The following OR8B2 variants were observed in gnomAD, a reference collection of about 807,000 sequenced individuals.
OR8B2 encodes the protein olfactory receptor family 8 subfamily B member 2.
For synonymous variants in OR8B2, 98 were observed against 138.2 expected (o/e 0.71, Z 2.04); for missense variants, 304 against 379.6 (o/e 0.80, Z 1.65).
upstream of OR8B2, among the ~76,000 whole-genome samples, chr11:124,385,491 C>CGTGTGT (rs57427804): frequency 2.1e-3 from 310 of 148,096 alleles, 1 homozygote; most frequent in African/African-American, 4.0e-3. Context: ...ATTTAACATG[C>CGTGTGT]GTGTGTGTGT....
upstream of OR8B2, among the ~76,000 whole-genome samples, chr11:124,386,760 T>C (rs1422572887): frequency 2.0e-5 from 3 of 152,156 alleles, no homozygotes; most frequent in Non-Finnish European, 2.9e-5. Flanking sequence ...TATAGTCCTT[T>C]GGGTATATAC....
Position 124,383,072 on chromosome 11 carries a change from A to G in OR8B2, c.272T>C (p.Ile91Thr), listed in dbSNP as rs1243703067. ...AGTCATGCACCCAACATTGGAGATA[A>G]TATTCTTTTTTGACACAAAGTTCAT... ...MLMNFVSKKN[I>T]ISNVGCMTRL... Residue 91 changes from isoleucine (I) to threonine (T), a missense_variant, in exon 2 of 2, where the codon ATT becomes ACT. Transcript: ENST00000641451. 7.4e-6 allele frequency: 12 copies of G among 1,613,932 alleles called. No homozygotes were observed. The highest frequency in any genetic ancestry group is 8.5e-6 in the Non-Finnish European group (10 of 1,179,854).
chr11:124,384,823 C>T (rs574060276), upstream of OR8B2, among the ~76,000 whole-genome samples: 1 of 152,260 alleles, frequency 6.6e-6, no homozygotes, highest in South Asian at 2.1e-4. Context: ...ATTATACAAT[C>T]CACAGGGCAT....
upstream of OR8B2, among the ~76,000 whole-genome samples, chr11:124,386,251 AT>A (rs756263467): frequency 5.7e-4 from 83 of 146,078 alleles, no homozygotes; most frequent in Non-Finnish European, 5.4e-4. Flanking sequence ...GATTTGCTTC[AT>A]TTTTTTATTT....
the OR8B2 span, among the ~76,000 whole-genome samples, chr11:124,394,719 C>G: frequency 6.6e-6 from 1 of 152,192 alleles, no homozygotes; most frequent in African/African-American, 2.4e-5. Flanking sequence ...TATAGACTTT[C>G]AGTCAGCCAT....
chr11:124,397,074 G>T, the OR8B2 span: 3 of 1,613,906 alleles, frequency 1.9e-6, no homozygotes, highest in South Asian at 3.3e-5. Context: ...CCCAACATAG[G>T]AGATAATATT....
At chr11:124,389,485 AT>A (rs1860750468), upstream of OR8B2, among the ~76,000 whole-genome samples, 1 of 152,148 alleles carries the variant, frequency 6.6e-6, no homozygotes, top group Non-Finnish European at 1.5e-5. Context: ...ACAAAGTAGA[AT>A]CAAGTCATAT....
chr11:124,394,894 T>C, the OR8B2 span, among the ~76,000 whole-genome samples: 1 of 152,214 alleles, frequency 6.6e-6, no homozygotes, highest in East Asian at 1.9e-4. Flanking sequence ...CATTTATTGT[T>C]GGTGTTAAGC....
the OR8B2 span, among the ~76,000 whole-genome samples, chr11:124,394,167 G>T: frequency 6.6e-6 from 1 of 150,716 alleles, no homozygotes; most frequent in Non-Finnish European, 1.5e-5. Flanking sequence ...AGGAGTTAAT[G>T]GGTGCAGCAC....
the OR8B2 span, among the ~76,000 whole-genome samples, chr11:124,395,153 A>T: frequency 6.6e-6 from 1 of 152,200 alleles, no homozygotes; most frequent in East Asian, 1.9e-4. Flanking sequence ...AAAAAAGCTT[A>T]AACTATAGGC....
chr11:124,396,437 A>T, the OR8B2 span: 2 of 1,604,684 alleles, frequency 1.2e-6, no homozygotes, highest in Non-Finnish European at 1.7e-6. Flanking sequence ...TCTGAATTTT[A>T]ATCAGAGCTT....
the OR8B2 span, among the ~76,000 whole-genome samples, chr11:124,391,407 A>T: frequency 6.6e-6 from 1 of 152,098 alleles, no homozygotes; most frequent in East Asian, 1.9e-4. Flanking sequence ...AATCAAATAG[A>T]TGCAATAAAA....
chr11:124,383,375 G>T lies in OR8B2; in HGVS notation c.-17-15C>A. On this transcript the variant is annotated splice_polypyrimidine_tract_variant and intron_variant, in intron 1 of 1. Transcript: ENST00000641451. ...TCTTCAAAAATCTGGGAAGACAAAAGAAAATTCTATTAGGAACACAGATTT... is the reference window on the plus strand; with the variant it reads ...TCTTCAAAAATCTGGGAAGACAAAATAAAATTCTATTAGGAACACAGATTT... The T allele has an allele frequency of 1.3e-6, 2 of 1,533,478 alleles. No homozygotes were observed. Among genetic ancestry groups the T allele is most frequent in the Non-Finnish European group, 1.8e-6 (2 of 1,137,376 alleles). 95.0% of individuals were successfully genotyped at this position (1,533,478 alleles called of 1,614,324 possible).
In OR8B2 at chr11:124,382,702, G is replaced by A. The variant is rs775917710; in HGVS notation, c.642C>T (p.Ile214=). 16 of 1,613,864 alleles carry A rather than the reference G, an allele frequency of 9.9e-6. No homozygotes were observed. In the South Asian group the frequency reaches 1.4e-4, roughly 14 times the overall value. Residue 214 remains isoleucine, a synonymous_variant, in exon 2 of 2, where the codon ATC becomes ATT. Transcript: ENST00000641451. ...TGACAATGAAAACATAAGAAATGAGGATGGTACAACTGGGTACCGTGATAT... is the reference window on the plus strand; with the variant it reads ...TGACAATGAAAACATAAGAAATGAGAATGGTACAACTGGGTACCGTGATAT... ...GTNITVPSCT[I]LISYVFIVTS...
chr11:124,396,579 A>G, the OR8B2 span: 57 of 1,613,368 alleles, frequency 3.5e-5, no homozygotes, highest in African/African-American at 5.3e-5. Context: ...TTTAATATAC[A>G]TGAATGCCGC....
the OR8B2 span, among the ~76,000 whole-genome samples, chr11:124,390,471 T>G: frequency 6.6e-6 from 1 of 152,170 alleles, no homozygotes. Context: ...CTTTAAAAAG[T>G]CACCAAAAAA....
the OR8B2 span, among the ~76,000 whole-genome samples, chr11:124,391,341 G>T: frequency 6.0e-5 from 9 of 150,274 alleles, no homozygotes; most frequent in East Asian, 1.6e-3. Flanking sequence ...TTTTTTGAAA[G>T]GATCAATAAA....
chr11:124,382,618 G>T lies in OR8B2; in HGVS notation c.726C>A (p.Ser242Arg). Residue 242 changes from serine (S) to arginine (R), a missense_variant, in exon 2 of 2, where the codon AGC becomes AGA. Transcript: ENST00000641451. ...ACAGAGACAGAGCAATGACATGAGA[G>T]CTACAAGTACTGAAGGCTTTTGATC... Reference protein sequence around the residue: ...QGRSKAFSTCSSHVIALSLFF... With the variant: ...QGRSKAFSTCRSHVIALSLFF... 3.1e-6 allele frequency: 5 copies of T among 1,611,912 alleles called. No individual in the cohort carries two copies. The highest frequency in any genetic ancestry group is 4.2e-6 in the Non-Finnish European group (5 of 1,178,756).
In OR8B2 at chr11:124,383,079, T is replaced by A; in HGVS notation, c.265A>T (p.Lys89Ter). ...CACCCAACATTGGAGATAATATTCT[T>A]TTTTGACACAAAGTTCATTAGCATT... ...PKMLMNFVSKKNIISNVGCMT... is the reference protein window; with the variant it reads ...PKMLMNFVSK Residue 89 changes from lysine (K) to a stop codon, truncating the protein, a stop_gained, in exon 2 of 2, where the codon AAG becomes TAG. Coordinates refer to ENST00000641451, the MANE Select transcript of OR8B2 (RefSeq NM_001005468.2). LOFTEE classifies it low-confidence loss of function (END_TRUNC). 1 of 1,613,878 alleles carries A rather than the reference T, an allele frequency of 6.2e-7. No homozygotes were observed. Among genetic ancestry groups the A allele is most frequent in the Non-Finnish European group, 8.5e-7 (1 of 1,179,860 alleles).
Sources: allele counts gnomAD v4.1 joint callset (sites outside exome capture counted in the v4.1 genomes callset), GRCh38; gene constraint gnomAD v4.1.1; transcripts MANE v1.5; gene names NCBI Gene and HGNC (gene_info 2026-07-23, HGNC 2026-07-21).